The following DOCK1 variants were observed in gnomAD, a reference collection of about 807,000 sequenced individuals.
DOCK1 encodes the protein dedicator of cytokinesis protein 1.
A neutral mutation model predicts 262.7 loss-of-function variants in DOCK1; 138 were observed. That is an observed-to-expected ratio of 0.53 (90% CI 0.46 to 0.61). The LOEUF is 0.61. DOCK1 is among the 20% of genes least tolerant of loss of function. The probability of loss-of-function intolerance (pLI) is 0.00; values close to 1 mark genes in which losing one functional copy is unlikely to be tolerated. For synonymous variants in DOCK1, 866 were observed against 867.4 expected, an observed-to-expected ratio of 1.00 and a Z score of 0.03; for missense variants, 1,908 against 2,370.7, an observed-to-expected ratio of 0.80 and a Z score of 4.05.
intron 1 of DOCK1, among the ~76,000 whole-genome samples, chr10:126,965,139 G>T (rs1673272660): frequency 6.6e-6 from 1 of 152,210 alleles, no homozygotes; most frequent in Non-Finnish European, 1.5e-5. Context: ...AGAGTGTACA[G>T]GGAGTTCAGA....
In DOCK1 at chr10:127,316,812, C is replaced by T. The variant is rs1321969788; in HGVS notation, c.3045-22194C>T. Reference sequence around the variant, plus strand: ...CCTCCCCTTGCTGCAAACACCTGCTCTGCCCCACTGGATCCCAGGTACACT... The same window carrying T: ...CCTCCCCTTGCTGCAAACACCTGCTTTGCCCCACTGGATCCCAGGTACACT... On this transcript the variant is annotated intron_variant, in intron 29 of 51. Coordinates refer to ENST00000623213, the MANE Select transcript of DOCK1 (RefSeq NM_001290223.2). Among the ~76,000 whole-genome samples the T allele has an allele frequency of 7.9e-5, 12 of 152,326 alleles. No homozygotes were observed. The East Asian group carries it at 2.3e-3, about 29-fold the overall frequency.
At chr10:126,984,106 TCTC>T (rs1376011069) in intron 4 of DOCK1, among the ~76,000 whole-genome samples, 2 of 152,090 alleles carry the variant, frequency 1.3e-5, no homozygotes, top group Non-Finnish European at 2.9e-5. Flanking sequence ...GTCCTAGCCT[TCTC>T]CTATTTCTTT....
chr10:126,970,806 C>T lies in DOCK1; in HGVS notation c.130+21C>T, dbSNP rs542986089. On this transcript the variant is annotated intron_variant, in intron 2 of 51. Coordinates refer to ENST00000623213, the MANE Select transcript of DOCK1 (RefSeq NM_001290223.2). ...TGAAGGTGCGTATGCATCTTGGTAT[C>T]TTTTCTCTTACATTTTGGGCAGATG... The T allele has an allele frequency of 3.1e-6, 5 of 1,608,070 alleles. No homozygotes were observed. The African/African-American group carries it at 6.7e-5, about 21-fold the overall frequency.
At chr10:127,145,061 C>T (rs916427038) in intron 27 of DOCK1, among the ~76,000 whole-genome samples, 27 of 152,144 alleles carry the variant, frequency 1.8e-4, no homozygotes, top group African/African-American at 5.1e-4. Context: ...GGATGTTTTC[C>T]GTGACCATAC....
chr10:127,110,225 T>A (rs1275703175), intron 24 of DOCK1, 23 bp from the exon 25 acceptor site: 2 of 1,589,290 alleles, frequency 1.3e-6, no homozygotes, highest in Non-Finnish European at 1.7e-6. Context: ...TCAAAATTAT[T>A]TCCCTTGTGT....
intron 33 of DOCK1, among the ~76,000 whole-genome samples, chr10:127,367,586 C>T (rs542421918): frequency 4.8e-4 from 73 of 152,238 alleles, no homozygotes; most frequent in African/African-American, 1.7e-3. Flanking sequence ...TGTGAAGTGT[C>T]GTGTTCTGCA....
intron 35 of DOCK1, among the ~76,000 whole-genome samples, chr10:127,379,150 G>T (rs1482169255): frequency 1.3e-5 from 2 of 152,140 alleles, no homozygotes; most frequent in Non-Finnish European, 2.9e-5. Context: ...CCTTACCTTA[G>T]GCCTTGTGAG....
intron 29 of DOCK1, among the ~76,000 whole-genome samples, chr10:127,336,114 C>T (rs1172938430): frequency 6.6e-6 from 1 of 152,036 alleles, no homozygotes; most frequent in South Asian, 2.1e-4. Flanking sequence ...CAGCCTCCCA[C>T]ACCACACTCG....
intron 1 of DOCK1, among the ~76,000 whole-genome samples, chr10:126,915,404 C>T (rs1486709997): frequency 4.2e-5 from 6 of 143,216 alleles, no homozygotes; most frequent in Admixed American, 7.5e-5. Flanking sequence ...GCTGCTTTCT[C>T]AATGTGTCTT....
At chr10:127,415,081 C>A in intron 43 of DOCK1, 71 bp from the exon 44 acceptor site, 2 of 1,421,666 alleles carry the variant, frequency 1.4e-6, no homozygotes, top group Non-Finnish European at 2.0e-6. Flanking sequence ...CTATAAATCC[C>A]CCTTAGGGCA....
chr10:126,984,656 A>G (rs1274337679), intron 4 of DOCK1, among the ~76,000 whole-genome samples: 1 of 152,024 alleles, frequency 6.6e-6, no homozygotes, highest in African/African-American at 2.4e-5. Context: ...GATGTGAGCC[A>G]CCGCACCCGG....
chr10:127,061,520 G>A, intron 22 of DOCK1, 148 bp from the exon 23 acceptor site: 1 of 709,046 alleles, frequency 1.4e-6, no homozygotes, highest in South Asian at 1.8e-5. Context: ...TCACTGCCAA[G>A]TTACCTTCCT....
chr10:127,228,601 C>T (rs537596200), intron 27 of DOCK1, among the ~76,000 whole-genome samples: 1 of 152,274 alleles, frequency 6.6e-6, no homozygotes, highest in Non-Finnish European at 1.5e-5. Context: ...TGGTGGAGCT[C>T]TGCAGGTGGT....
At chr10:127,164,332 C>A (rs961380443) in intron 27 of DOCK1, among the ~76,000 whole-genome samples, 1 of 151,642 alleles carries the variant, frequency 6.6e-6, no homozygotes, top group Non-Finnish European at 1.5e-5. Context: ...TACAGGTGCC[C>A]GCCACCACAC....
At chr10:127,192,337 AT>A (rs1160243087) in intron 27 of DOCK1, among the ~76,000 whole-genome samples, 1 of 152,224 alleles carries the variant, frequency 6.6e-6, no homozygotes, top group Non-Finnish European at 1.5e-5. Flanking sequence ...TTATAGAGTA[AT>A]TTAGAATCAT....
chr10:127,226,288 C>T (rs1047249434), intron 27 of DOCK1, among the ~76,000 whole-genome samples: 7 of 152,028 alleles, frequency 4.6e-5, no homozygotes, highest in African/African-American at 1.4e-4. Flanking sequence ...TTAGCTCTAC[C>T]CTACCCTATC....
intron 27 of DOCK1, among the ~76,000 whole-genome samples, chr10:127,190,988 C>A (rs1271494436): frequency 2.0e-5 from 3 of 152,088 alleles, no homozygotes; most frequent in Non-Finnish European, 4.4e-5. Context: ...CCCTCTTGCC[C>A]TGCTGGTTCC....
chr10:127,158,474 C>G (rs2053290795), intron 27 of DOCK1, among the ~76,000 whole-genome samples: 1 of 152,180 alleles, frequency 6.6e-6, no homozygotes, highest in South Asian at 2.1e-4. Context: ...AAGCACTCTT[C>G]CCTTTTGCTT....
chr10:127,099,370 A>G (rs945376779), intron 23 of DOCK1, among the ~76,000 whole-genome samples: 1 of 152,134 alleles, frequency 6.6e-6, no homozygotes, highest in Non-Finnish European at 1.5e-5. Context: ...TTGCAGTCCA[A>G]ATAGGAATGT....
Sources: gnomAD v4.1 joint callset for allele counts (sites outside exome capture counted in the v4.1 genomes callset) on GRCh38, gnomAD v4.1.1 for gene constraint, MANE v1.5 for transcripts, NCBI Gene and HGNC (gene_info 2026-07-23, HGNC 2026-07-21) for gene names.